The following HDAC9 variants were observed in gnomAD, a reference collection of about 807,000 sequenced individuals.
The protein encoded by HDAC9 is MEF-2 interacting transcription repressor (MITR) protein.
A neutral mutation model predicts 139.4 loss-of-function variants in HDAC9; 41 were observed. The observed-to-expected ratio is 0.29, with a 90% CI of 0.23 to 0.38. HDAC9 has a LOEUF of 0.38. Among genes scored for constraint, HDAC9 ranks in the 10% least tolerant of loss-of-function variants. HDAC9 has a pLI of 1.00. For missense variants in HDAC9, 1,147 were observed against 1,297.0 expected (o/e 0.88, Z 1.78); for synonymous variants, 517 against 476.2 (o/e 1.09, Z -1.12).
intron 2 of HDAC9, among the ~76,000 whole-genome samples, chr7:18,576,493 C>T (rs921986238): frequency 6.6e-6 from 1 of 151,992 alleles, no homozygotes. Context: ...AAAACCCCAT[C>T]TCCACTAAAA....
chr7:18,990,852 C>G (rs1347729909), intron 25 of HDAC9, among the ~76,000 whole-genome samples: 1 of 152,246 alleles, frequency 6.6e-6, no homozygotes, highest in Non-Finnish European at 1.5e-5. Context: ...AAAGAGAACT[C>G]CCTGGCCCCT....
chr7:18,459,467 GTT>G (rs976675659), intron 1 of HDAC9, among the ~76,000 whole-genome samples: 6 of 151,278 alleles, frequency 4.0e-5, no homozygotes, highest in Non-Finnish European at 7.4e-5. Context: ...TATTTTTCTA[GTT>G]TTTTTTTAAA....
At chr7:18,187,648 A>C (rs940804962) in intron 2 of HDAC9, among the ~76,000 whole-genome samples, 1 of 152,144 alleles carries the variant, frequency 6.6e-6, no homozygotes, top group Non-Finnish European at 1.5e-5. Context: ...CTACTATTCT[A>C]CTAGACTTAG....
intron 12 of HDAC9, among the ~76,000 whole-genome samples, chr7:18,708,356 G>A (rs1480079786): frequency 6.6e-6 from 1 of 152,178 alleles, no homozygotes; most frequent in African/African-American, 2.4e-5. Flanking sequence ...AGCTGAGGCT[G>A]AAGACAGGAT....
At chr7:18,605,825 C>T (rs753673191) in intron 6 of HDAC9, among the ~76,000 whole-genome samples, 4 of 152,194 alleles carry the variant, frequency 2.6e-5, no homozygotes, top group African/African-American at 4.8e-5. Flanking sequence ...GGACTACAGG[C>T]GCCCTCCACC....
intron 1 of HDAC9, among the ~76,000 whole-genome samples, chr7:18,123,018 G>T: frequency 6.6e-6 from 1 of 152,100 alleles, no homozygotes; most frequent in Admixed American, 6.6e-5. Context: ...TTTCCCAATG[G>T]CCCTAAAGAG....
intron 1 of HDAC9, among the ~76,000 whole-genome samples, chr7:18,139,993 T>A (rs1785770197): frequency 6.6e-6 from 1 of 152,164 alleles, no homozygotes; most frequent in African/African-American, 2.4e-5. Context: ...ATTCTGTTGT[T>A]CTGTGGCACA....
intron 2 of HDAC9, among the ~76,000 whole-genome samples, chr7:18,556,351 T>A (rs1207064948): frequency 6.6e-6 from 1 of 152,098 alleles, no homozygotes; most frequent in Non-Finnish European, 1.5e-5. Flanking sequence ...ATTCATTCCT[T>A]CATTCAATAA....
intron 2 of HDAC9, among the ~76,000 whole-genome samples, chr7:18,182,025 G>T (rs1426817597): frequency 6.6e-6 from 1 of 152,172 alleles, no homozygotes; most frequent in Non-Finnish European, 1.5e-5. Context: ...TTGATTAGGG[G>T]AGGGTGGAGG....
intron 1 of HDAC9, among the ~76,000 whole-genome samples, chr7:18,344,374 C>A (rs751062533): frequency 1.3e-5 from 2 of 151,828 alleles, no homozygotes; most frequent in Non-Finnish European, 2.9e-5. Context: ...ATCCTCATTT[C>A]ACAGATAAGG....
chr7:18,312,354 G>A (rs1434959358), intron 1 of HDAC9, among the ~76,000 whole-genome samples: 1 of 152,106 alleles, frequency 6.6e-6, no homozygotes, highest in East Asian at 1.9e-4. Context: ...TGCTGTGTGT[G>A]TCTGTGTGAG....
At chr7:18,814,066 T>A (rs1794388705) in intron 17 of HDAC9, among the ~76,000 whole-genome samples, 1 of 152,212 alleles carries the variant, frequency 6.6e-6, no homozygotes, top group Non-Finnish European at 1.5e-5. Flanking sequence ...CTGTCGGGAT[T>A]TCATTACTTA....
At chr7:18,245,744 C>T (rs893062693) in intron 2 of HDAC9, among the ~76,000 whole-genome samples, 11 of 152,242 alleles carry the variant, frequency 7.2e-5, no homozygotes, top group African/African-American at 2.4e-4. Context: ...GCTTATTCTG[C>T]CACCCCGAAT....
intron 1 of HDAC9, among the ~76,000 whole-genome samples, chr7:18,138,700 C>T (rs191283812): frequency 1.3e-4 from 20 of 152,160 alleles, no homozygotes; most frequent in Admixed American, 7.9e-4. Flanking sequence ...ATTAGGGGCT[C>T]AAGTCTATTT....
chr7:18,360,004 C>T (rs373050292), intron 1 of HDAC9, among the ~76,000 whole-genome samples: 1 of 152,168 alleles, frequency 6.6e-6, no homozygotes, highest in African/African-American at 2.4e-5. Context: ...TCTGCTCTGC[C>T]TTAGCATTGC....
At chr7:18,949,092 T>C (rs1231302113) in intron 23 of HDAC9, 1 of 337,594 alleles carries the variant, frequency 3.0e-6, no homozygotes, top group Non-Finnish European at 5.7e-6. Context: ...GGGTTTTTTT[T>C]CTGTTTTTTG....
rs552465306 is a variant in HDAC9, at chr7:18,953,779, C to T, written c.2938-367C>T. On this transcript the variant is annotated intron_variant, in intron 23 of 25. Coordinates refer to ENST00000686413, the MANE Select transcript of HDAC9 (RefSeq NM_178425.4). ...GCCCACTTTCTGTCTATTGCAACTT[C>T]CCTGAGGTTTTGTTTGCAGGGCCCA... Among the ~76,000 whole-genome samples, 19 of 152,150 alleles carry T rather than the reference C, an allele frequency of 1.2e-4. No individual in the cohort carries two copies. In the South Asian group the frequency reaches 1.7e-3, roughly 13 times the overall value.
intron 1 of HDAC9, among the ~76,000 whole-genome samples, chr7:18,408,092 C>T (rs1051078234): frequency 3.3e-5 from 5 of 151,790 alleles, no homozygotes; most frequent in Admixed American, 6.6e-5. Flanking sequence ...TTATACTTGG[C>T]GCAAAGTTGG....
At chr7:18,499,335 GT>G (rs1033475644) in intron 2 of HDAC9, among the ~76,000 whole-genome samples, 1 of 151,850 alleles carries the variant, frequency 6.6e-6, no homozygotes, top group African/African-American at 2.4e-5. Context: ...TGGAATACAA[GT>G]TTTTTTTATG....
Sources: gnomAD v4.1 joint callset for allele counts (sites outside exome capture counted in the v4.1 genomes callset) on GRCh38, gnomAD v4.1.1 for gene constraint, MANE v1.5 for transcripts, NCBI Gene and HGNC (gene_info 2026-07-23, HGNC 2026-07-21) for gene names.